The following ITPR2 variants were observed in gnomAD, a reference collection of about 807,000 sequenced individuals.
ITPR2 encodes the protein inositol 1,4,5-trisphosphate-gated calcium channel ITPR2.
Under a neutral mutation model 317.1 loss-of-function variants are expected in ITPR2, and 207 were observed. That is an observed-to-expected ratio of 0.65 (90% CI 0.58 to 0.73). The LOEUF (loss-of-function observed/expected upper bound fraction) is 0.73. Ranked by LOEUF, ITPR2 falls within the 30% of genes least tolerant of loss-of-function variation. The pLI is 0.00. For missense variants in ITPR2, 2,613 were observed against 3,284.0 expected (o/e 0.80, Z 4.99); for synonymous variants, 1,156 against 1,149.1 (o/e 1.01, Z -0.12).
chr12:26,653,910 A>G, intron 21 of ITPR2, 66 bp downstream of exon 21: 8 of 1,327,032 alleles, frequency 6.0e-6, no homozygotes, highest in Non-Finnish European at 7.5e-6. Context: ...CCTTCTCTGT[A>G]GTTTTGTTTT....
intron 49 of ITPR2, among the ~76,000 whole-genome samples, chr12:26,427,105 G>A (rs1941082522): frequency 6.6e-6 from 1 of 151,972 alleles, no homozygotes. Context: ...GGGGAGACTA[G>A]TCCTAATTAC....
In ITPR2 at chr12:26,602,362, G is replaced by A; in HGVS notation, c.3678+8C>T. 6.2e-7 allele frequency: 1 copy of A among 1,608,292 alleles called. No homozygotes were observed. On this transcript the variant is annotated splice_region_variant and intron_variant, in intron 28 of 56. Transcript: ENST00000381340. ...AAAGCTAAAGAACAAAAAATAACCA[G>A]GACTAACCTTTTCATAGGGTATCTG... is the stretch of plus-strand genomic sequence containing the variant.
chr12:26,568,011 T>TATA (rs1555157804), intron 34 of ITPR2, among the ~76,000 whole-genome samples: 6 of 7,922 alleles, frequency 7.6e-4, no homozygotes, highest in African/African-American at 1.5e-3. Context: ...ATATATTATA[T>TATA]ATATATATAT....
chr12:26,629,822 T>A (rs555939289), intron 22 of ITPR2, among the ~76,000 whole-genome samples: 1 of 152,246 alleles, frequency 6.6e-6, no homozygotes, highest in Non-Finnish European at 1.5e-5. Flanking sequence ...ACATCCTCCA[T>A]GTCAGCTGTA....
intron 39 of ITPR2, among the ~76,000 whole-genome samples, chr12:26,487,950 T>C (rs911064474): frequency 1.3e-5 from 2 of 152,144 alleles, no homozygotes; most frequent in Admixed American, 6.5e-5. Flanking sequence ...TCAATAATGA[T>C]GTAGAAATGG....
At position 26,748,469 on chromosome 12, in the gene ITPR2, T is replaced by C. The variant is rs74072345; in HGVS notation, c.164-22704A>G. ...TAATTGCAATTTTTGCCGTTAAAAGTAATAGTAAAAACTACAATTATGTTT... is the reference window on the plus strand; with the variant it reads ...TAATTGCAATTTTTGCCGTTAAAAGCAATAGTAAAAACTACAATTATGTTT... On this transcript the variant is annotated intron_variant, in intron 2 of 56. Transcript: ENST00000381340. Among the ~76,000 whole-genome samples the C allele has an allele frequency of 8.5e-3, 1,295 of 152,364 alleles. 16 individuals carry two copies. Among genetic ancestry groups the C allele is most frequent in the African/African-American group, 0.03 (1,241 of 41,580 alleles).
Position 26,387,421 on chromosome 12 carries a change from T to A in ITPR2, c.7857+13A>T, listed in dbSNP as rs2277348. 3.7e-5 allele frequency: 59 copies of A among 1,612,570 alleles called. No homozygotes were observed. In the East Asian group the frequency reaches 1.3e-3, roughly 35 times the overall value. ...ACAATATAGTCACAAATTAAAACCT[T>A]CTGGTCACTCACCACAATCATTTGA... On this transcript the variant is annotated intron_variant, in intron 55 of 56. Transcript: ENST00000381340.
At chr12:26,725,597 T>C in intron 3 of ITPR2, 53 bp downstream of exon 3, 2 of 1,178,156 alleles carry the variant, frequency 1.7e-6, no homozygotes, top group Non-Finnish European at 2.5e-6. Context: ...TACATTTTTA[T>C]TATTGCTGTA....
intron 55 of ITPR2, among the ~76,000 whole-genome samples, chr12:26,365,951 C>A (rs1006316637): frequency 1.3e-5 from 2 of 152,080 alleles, no homozygotes; most frequent in Non-Finnish European, 2.9e-5. Context: ...TTTTAAACTA[C>A]AAAATAAAAA....
intron 9 of ITPR2, among the ~76,000 whole-genome samples, chr12:26,700,017 G>A (rs999622488): frequency 1.3e-5 from 2 of 152,156 alleles, no homozygotes; most frequent in Middle Eastern, 3.4e-3. Flanking sequence ...AAAGCATTGC[G>A]GCATATGGTA....
At chr12:26,631,763 C>A (rs983993692) in intron 22 of ITPR2, 103 bp downstream of exon 22, 7 of 940,044 alleles carry the variant, frequency 7.4e-6, no homozygotes, top group African/African-American at 6.7e-5. Context: ...ATATTGATAG[C>A]ATTTCAGAAT....
intron 22 of ITPR2, among the ~76,000 whole-genome samples, chr12:26,629,744 T>C (rs548991574): frequency 6.7e-6 from 1 of 150,204 alleles, no homozygotes; most frequent in African/African-American, 2.4e-5. Flanking sequence ...CTTTCTCTTT[T>C]TCTCTCTCTC....
chr12:26,531,535 T>G (rs1943942028), intron 37 of ITPR2, among the ~76,000 whole-genome samples: 1 of 152,210 alleles, frequency 6.6e-6, no homozygotes, highest in South Asian at 2.1e-4. Flanking sequence ...GTTATTCTTG[T>G]GCAGATTAGA....
intron 39 of ITPR2, among the ~76,000 whole-genome samples, chr12:26,491,376 G>C (rs1287148225): frequency 6.6e-6 from 1 of 150,992 alleles, no homozygotes; most frequent in Non-Finnish European, 1.5e-5. Context: ...CCAGCTACTC[G>C]GGAGGCTGAG....
rs373946107 is a variant in ITPR2, at chr12:26,656,111, C to T, written c.2444+186G>A. On this transcript the variant is annotated intron_variant, in intron 19 of 56. Coordinates refer to ENST00000381340, the MANE Select transcript of ITPR2 (RefSeq NM_002223.4). ...TTATTTACTGTTTTCTAGAAAGTGC[C>T]TTTATTACCACTGAGAGTTATCATT... Among the ~76,000 whole-genome samples the T allele has an allele frequency of 2.0e-3, 304 of 152,194 alleles. 1 individual carries two copies. The highest frequency in any genetic ancestry group is 7.1e-3 in the African/African-American group (293 of 41,504).
At chr12:26,686,347 A>G (rs1050288843) in intron 11 of ITPR2, 134 bp downstream of exon 11, 1 of 512,562 alleles carries the variant, frequency 2.0e-6, no homozygotes, top group African/African-American at 2.0e-5. Context: ...GAAGAGATAC[A>G]ATGTTTTACA....
chr12:26,654,182 T>C, intron 20 of ITPR2, 56 bp from the exon 21 acceptor site: 1 of 1,405,242 alleles, frequency 7.1e-7, no homozygotes, highest in Non-Finnish European at 9.6e-7. Flanking sequence ...AAAAAAAAAT[T>C]GGGTACTGAA....
At chr12:26,535,533 G>T (rs996104777) in intron 37 of ITPR2, among the ~76,000 whole-genome samples, 1 of 152,138 alleles carries the variant, frequency 6.6e-6, no homozygotes, top group Non-Finnish European at 1.5e-5. Flanking sequence ...TAATTATTTG[G>T]TTCTAAAGTT....
In ITPR2 at chr12:26,750,826, G is replaced by GA. The variant is rs1270202864; in HGVS notation, c.164-25062dup. Among the ~76,000 whole-genome samples the GA allele has an allele frequency of 7.9e-5, 12 of 152,216 alleles. No individual in the cohort carries two copies. In the East Asian group the frequency reaches 2.1e-3, roughly 27 times the overall value. ...AAAATAAAGAGAAACTCACCAAAGG[G>GA]AAAAAATAGCTAATGTTTCATACAC... On this transcript the variant is annotated intron_variant, in intron 2 of 56. Transcript: ENST00000381340.
Sources: allele counts gnomAD v4.1 joint callset (sites outside exome capture counted in the v4.1 genomes callset), GRCh38; gene constraint gnomAD v4.1.1; transcripts MANE v1.5; gene names NCBI Gene and HGNC (gene_info 2026-07-23, HGNC 2026-07-21).